Variants in ATXN1 observed in about 807,000 individuals in gnomAD.
ATXN1 encodes the protein ataxin-1.
In ATXN1, 8 loss-of-function variants were observed where a neutral mutation model predicts 56.4. The ratio of observed to expected loss-of-function variants is 0.14; its 90% CI spans 0.08 to 0.26. ATXN1 has a LOEUF of 0.26. ATXN1 is among the 10% of genes least tolerant of loss of function. ATXN1 has a pLI of 1.00. For synonymous variants in ATXN1, 514 were observed against 494.6 expected, an observed-to-expected ratio of 1.04 and a Z score of -0.52; for missense variants, 987 against 1,106.5, an observed-to-expected ratio of 0.89 and a Z score of 1.53.
At chr6:16,438,548 A>G (rs1307298560) in intron 6 of ATXN1, among the ~76,000 whole-genome samples, 1 of 152,296 alleles carries the variant, frequency 6.6e-6, no homozygotes, top group East Asian at 1.9e-4. Context: ...AATTAGTTTT[A>G]ATTAGAAATG....
chr6:16,689,047 C>CAGTGTG (rs1554125939), intron 2 of ATXN1, among the ~76,000 whole-genome samples: 8 of 151,444 alleles, frequency 5.3e-5, no homozygotes, highest in Non-Finnish European at 1.0e-4. Flanking sequence ...TATGTGTACT[C>CAGTGTG]TGTGTGTGTG....
intron 4 of ATXN1, among the ~76,000 whole-genome samples, chr6:16,545,612 C>T (rs918944649): frequency 6.6e-6 from 1 of 152,146 alleles, no homozygotes; most frequent in South Asian, 2.1e-4. Flanking sequence ...AAGTAAACAA[C>T]CTTGTGGGGT....
intron 2 of ATXN1, among the ~76,000 whole-genome samples, chr6:16,745,966 GTGTGTGTC>G (rs902746595): frequency 2.8e-5 from 4 of 141,506 alleles, no homozygotes; most frequent in African/African-American, 5.6e-5. Flanking sequence ...GTGTGTGTGT[GTGTGTGTC>G]TGTTTTTATT....
intron 4 of ATXN1, among the ~76,000 whole-genome samples, chr6:16,542,144 AC>A (rs1348472035): frequency 6.6e-6 from 1 of 151,674 alleles, no homozygotes; most frequent in Non-Finnish European, 1.5e-5. Flanking sequence ...AAAAAAGATA[AC>A]CTTTTCCCCA....
At position 16,456,262 on chromosome 6, in the gene ATXN1, C is replaced by A. The variant is rs114425903; in HGVS notation, c.-161+29710G>T. Among the ~76,000 whole-genome samples, 1,285 of 152,286 alleles carry A rather than the reference C, an allele frequency of 8.4e-3. 5 individuals carry two copies. The highest frequency in any genetic ancestry group is 0.014 in the Non-Finnish European group (982 of 68,038). On this transcript the variant is annotated intron_variant, in intron 6 of 7. Transcript: ENST00000436367. Reference sequence around the variant, plus strand: ...CAACTCTGGACACATCTTGGGGGATCCTCCCAGATATTGCAACGTGGTGAG... The same window carrying A: ...CAACTCTGGACACATCTTGGGGGATACTCCCAGATATTGCAACGTGGTGAG...
intron 4 of ATXN1, among the ~76,000 whole-genome samples, chr6:16,564,044 G>A (rs1441751943): frequency 6.6e-6 from 1 of 152,206 alleles, no homozygotes; most frequent in Non-Finnish European, 1.5e-5. Flanking sequence ...TAAACAGGAT[G>A]TGGGTCCAAA....
chr6:16,492,358 G>T (rs235151), intron 5 of ATXN1, among the ~76,000 whole-genome samples: 4,873 of 151,806 alleles, frequency 0.032, 269 homozygotes, highest in African/African-American at 0.11. Flanking sequence ...ACACCAGCAT[G>T]GCACATGTAT....
intron 2 of ATXN1, among the ~76,000 whole-genome samples, chr6:16,750,807 T>TA (rs1430824862): frequency 1.3e-5 from 2 of 151,742 alleles, no homozygotes; most frequent in Non-Finnish European, 2.9e-5. Flanking sequence ...CACCACAGGT[T>TA]AAAAAAAATG....
intron 3 of ATXN1, among the ~76,000 whole-genome samples, chr6:16,654,727 A>G (rs1758156515): frequency 6.6e-6 from 1 of 152,118 alleles, no homozygotes. Flanking sequence ...TGGCCATGGC[A>G]TACAGCATAA....
intron 2 of ATXN1, among the ~76,000 whole-genome samples, chr6:16,733,438 C>T (rs868233311): frequency 5.9e-5 from 9 of 152,182 alleles, no homozygotes; most frequent in Middle Eastern, 6.8e-3. Flanking sequence ...TGGTGCACAG[C>T]GGCAGTCCCA....
In ATXN1 at chr6:16,465,856, A is replaced by G. The variant is rs780093368; in HGVS notation, c.-161+20116T>C. Among the ~76,000 whole-genome samples, 46 of 152,200 alleles carry G rather than the reference A, an allele frequency of 3.0e-4. 1 individual carries two copies. The highest frequency in any genetic ancestry group is 2.9e-4 in the Non-Finnish European group (20 of 68,030). ...TGTCTCTGCTAAGTCCGGGCCACAT[A>G]AAGACATGAGAGATGGGGAGGCCCA... On this transcript the variant is annotated intron_variant, in intron 6 of 7. Transcript: ENST00000436367.
chr6:16,557,242 G>T (rs954831282), intron 4 of ATXN1, among the ~76,000 whole-genome samples: 1 of 150,236 alleles, frequency 6.7e-6, no homozygotes, highest in Non-Finnish European at 1.5e-5. Flanking sequence ...CACAAGAATC[G>T]CTTGAACCTG....
At chr6:16,710,470 C>A (rs1264299874) in intron 2 of ATXN1, among the ~76,000 whole-genome samples, 1 of 152,080 alleles carries the variant, frequency 6.6e-6, no homozygotes, top group Non-Finnish European at 1.5e-5. Flanking sequence ...AGATAGAACA[C>A]CACCAAAATA....
At chr6:16,354,250 A>C (rs1249205286) in intron 6 of ATXN1, among the ~76,000 whole-genome samples, 1 of 151,482 alleles carries the variant, frequency 6.6e-6, no homozygotes, top group Admixed American at 6.6e-5. Context: ...CCTTCCTTCT[A>C]TCTTATTTCA....
At chr6:16,345,644 G>A (rs1761365284) in intron 6 of ATXN1, among the ~76,000 whole-genome samples, 1 of 152,160 alleles carries the variant, frequency 6.6e-6, no homozygotes, top group African/African-American at 2.4e-5. Context: ...CCCAGCAAGT[G>A]GGAAGCCTAC....
At chr6:16,390,881 C>A (rs1242282758) in intron 6 of ATXN1, among the ~76,000 whole-genome samples, 1 of 152,060 alleles carries the variant, frequency 6.6e-6, no homozygotes, top group Non-Finnish European at 1.5e-5. Flanking sequence ...ATAGTTATGG[C>A]CAGGCGTGGT....
chr6:16,517,452 G>C (rs943519640), intron 5 of ATXN1, among the ~76,000 whole-genome samples: 1 of 152,116 alleles, frequency 6.6e-6, no homozygotes, highest in Non-Finnish European at 1.5e-5. Context: ...ATATATGCAA[G>C]ATACATAAAA....
chr6:16,469,282 TAA>T (rs1394467905), intron 6 of ATXN1, among the ~76,000 whole-genome samples: 2 of 152,084 alleles, frequency 1.3e-5, no homozygotes, highest in Non-Finnish European at 2.9e-5. Flanking sequence ...AAAATATAAA[TAA>T]GTTTAATACA....
chr6:16,745,954 G>GTA (rs1554130387), intron 2 of ATXN1, among the ~76,000 whole-genome samples: 24 of 151,710 alleles, frequency 1.6e-4, no homozygotes, highest in Admixed American at 5.3e-4. Context: ...GTGTGTGTGT[G>GTA]TGTGTGTGTG....
Sources: gnomAD v4.1 joint callset for allele counts (sites outside exome capture counted in the v4.1 genomes callset) on GRCh38, gnomAD v4.1.1 for gene constraint, MANE v1.5 for transcripts, NCBI Gene and HGNC (gene_info 2026-07-23, HGNC 2026-07-21) for gene names.